ZNF451: variants seen among roughly 807,000 people sequenced by gnomAD.
The protein encoded by ZNF451 is E3 SUMO-protein ligase ZNF451.
In ZNF451, 80 loss-of-function variants were observed where a neutral mutation model predicts 107.1. That is an observed-to-expected ratio of 0.75 (90% CI 0.62 to 0.90). The LOEUF (loss-of-function observed/expected upper bound fraction) is 0.90, where lower values mean the gene tolerates loss of function less well. Among genes scored for constraint, ZNF451 ranks in the 40% least tolerant of loss-of-function variants. The pLI, the probability that ZNF451 is intolerant of heterozygous loss-of-function variation, is 0.00. For synonymous variants in ZNF451, 362 were observed against 406.5 expected (o/e 0.89, Z 1.32); for missense variants, 1,107 against 1,236.2 (o/e 0.90, Z 1.57).
chr6:57,133,803 T>C (rs1283250207), intron 6 of ZNF451, among the ~76,000 whole-genome samples: 3 of 151,972 alleles, frequency 2.0e-5, no homozygotes, highest in Non-Finnish European at 4.4e-5. Context: ...GCCTCCTGAG[T>C]GTCTGGGACT....
chr6:57,131,628 A>C (rs1831182096), intron 5 of ZNF451, among the ~76,000 whole-genome samples: 1 of 152,350 alleles, frequency 6.6e-6, no homozygotes, highest in South Asian at 2.1e-4. Context: ...TATTCCCCCA[A>C]TAAAGACTAA....
intron 3 of ZNF451, chr6:57,107,408 A>G: frequency 7.1e-6 from 7 of 985,224 alleles, no homozygotes; most frequent in Non-Finnish European, 8.4e-6. Flanking sequence ...CTTTTAAAAA[A>G]AATATAGCCA....
In ZNF451 at chr6:57,168,756, G is replaced by A; in HGVS notation, c.*287G>A. 7.2e-6 allele frequency: 2 copies of A among 276,370 alleles called. No homozygotes were observed. The highest frequency in any genetic ancestry group is 6.9e-5 in the South Asian group (1 of 14,520). 17.1% of individuals were successfully genotyped at this position (276,370 alleles called of 1,614,324 possible). ...TTGAATTTATATATTTAGATTTAAA[G>A]GATTAAAAAAAAGGAAAGCTCTTGA... On this transcript the variant is annotated 3_prime_UTR_variant, in exon 15 of 15. Transcript: ENST00000370706.
At chr6:57,108,354 T>A in intron 3 of ZNF451, 1 of 985,440 alleles carries the variant, frequency 1.0e-6, no homozygotes, top group Non-Finnish European at 1.2e-6. Context: ...TCTACTTTTA[T>A]TTGTGATGGC....
intron 14 of ZNF451, among the ~76,000 whole-genome samples, chr6:57,162,258 A>G (rs1182831582): frequency 1.3e-5 from 2 of 152,154 alleles, no homozygotes; most frequent in African/African-American, 4.8e-5. Context: ...GAATGGCCCA[A>G]CTGGTATGTT....
chr6:57,138,723 A>G (rs1206130289), intron 7 of ZNF451, among the ~76,000 whole-genome samples: 26 of 117,008 alleles, frequency 2.2e-4, no homozygotes, highest in Non-Finnish European at 4.1e-4. Context: ...ATATATATAT[A>G]TATATATATA....
intron 2 of ZNF451, among the ~76,000 whole-genome samples, chr6:57,091,693 C>T (rs9367706): frequency 6.6e-6 from 1 of 151,994 alleles, no homozygotes; most frequent in Admixed American, 6.5e-5. Context: ...TATCTCAGCT[C>T]GCCAGGCAGA....
rs1014608288 is a variant in ZNF451 at position 57,134,682 on chromosome 6, A to G, written c.576-62A>G. On this transcript the variant is annotated intron_variant, in intron 6 of 14. Coordinates refer to ENST00000370706, the MANE Select transcript of ZNF451 (RefSeq NM_001031623.3). ...TGTTTAGCTTCACAAATGAAGCGAC[A>G]TAGTTGTTTCCCTAGAATGTAGATT... The G allele has an allele frequency of 4.2e-5, 64 of 1,506,624 alleles. No homozygotes were observed. In the African/African-American group the frequency reaches 7.8e-4, roughly 18 times the overall value. The allele number at this position is 1,506,624 out of a possible 1,614,324, so 93.3% of individuals were successfully genotyped here.
chr6:57,108,338 G>A (rs1248442098), intron 3 of ZNF451: 35 of 985,190 alleles, frequency 3.6e-5, no homozygotes, highest in Non-Finnish European at 4.1e-5. Context: ...TAGACCTCTT[G>A]TTAACTCTAC....
At chr6:57,146,952 A>G (rs1207078136) in intron 9 of ZNF451, 138 bp from the exon 10 acceptor site, 3 of 704,922 alleles carry the variant, frequency 4.3e-6, no homozygotes, top group African/African-American at 1.8e-5. Flanking sequence ...TCATTATGTC[A>G]TTTGCATCTT....
intron 3 of ZNF451, chr6:57,101,629 G>T: frequency 2.6e-6 from 4 of 1,550,754 alleles, no homozygotes; most frequent in Non-Finnish European, 3.5e-6. Flanking sequence ...ACTCTGGGAA[G>T]ACATGGAAGA....
At chr6:57,103,397 G>T in intron 3 of ZNF451, 2 of 985,380 alleles carry the variant, frequency 2.0e-6, no homozygotes, top group Non-Finnish European at 2.4e-6. Flanking sequence ...CAGATTCTTA[G>T]TGTAAGAGAC....
intron 14 of ZNF451, among the ~76,000 whole-genome samples, chr6:57,163,455 T>TTTTTTTTTTTTTG (rs1763762422): frequency 1.1e-5 from 1 of 91,956 alleles, no homozygotes; most frequent in Non-Finnish European, 2.3e-5. Context: ...TTTTTTTTTT[T>TTTTTTTTTTTTTG]TTTTTTTTTT....
Position 57,142,012 on chromosome 6 carries a change from G to A in ZNF451, c.921G>A (p.Leu307=). ...TTGCAAAGAAACTTTTGATCTCTCTGTGCAAAGATGTTCCCTTTCAAGTTA... is the reference window on the plus strand; with the variant it reads ...TTGCAAAGAAACTTTTGATCTCTCTATGCAAAGATGTTCCCTTTCAAGTTA... ...PSFAKKLLIS[L]CKDVPFQVKC... The change falls in exon 9 of 15, where the codon CTG becomes CTA. Residue 307 remains leucine (L), a synonymous_variant. Transcript: ENST00000370706. 2 of 1,614,072 alleles carry A rather than the reference G, an allele frequency of 1.2e-6. No individual in the cohort carries two copies. The highest frequency in any genetic ancestry group is 2.2e-5 in the East Asian group (1 of 44,882).
intron 3 of ZNF451, among the ~76,000 whole-genome samples, chr6:57,110,813 C>T (rs1830069682): frequency 6.6e-6 from 1 of 152,090 alleles, no homozygotes; most frequent in Non-Finnish European, 1.5e-5. Flanking sequence ...AGACCTTGTC[C>T]CAGTAATATC....
chr6:57,108,334 T>G (rs756213143), intron 3 of ZNF451: 136 of 985,272 alleles, frequency 1.4e-4, no homozygotes, highest in Non-Finnish European at 1.5e-4. Context: ...CAGTTAGACC[T>G]CTTGTTAACT....
At chr6:57,105,629 C>A (rs1007637902) in intron 3 of ZNF451, 4 of 985,264 alleles carry the variant, frequency 4.1e-6, no homozygotes, top group South Asian at 9.4e-5. Flanking sequence ...GACAGTAGTT[C>A]CTTTTTGTTA....
chr6:57,119,656 C>G (rs906269987), intron 3 of ZNF451, among the ~76,000 whole-genome samples: 1 of 152,094 alleles, frequency 6.6e-6, no homozygotes, highest in Non-Finnish European at 1.5e-5. Context: ...TACCTCCTCC[C>G]CTCCCACCCC....
At chr6:57,099,003 A>G (rs1401895050) in intron 2 of ZNF451, 58 bp from the exon 3 acceptor site, 2 of 1,391,020 alleles carry the variant, frequency 1.4e-6, no homozygotes, top group Non-Finnish European at 2.0e-6. Flanking sequence ...GTAGGTTTAA[A>G]TGCTAATTTG....
Sources: gnomAD v4.1 joint callset for allele counts (sites outside exome capture counted in the v4.1 genomes callset) on GRCh38, gnomAD v4.1.1 for gene constraint, MANE v1.5 for transcripts, NCBI Gene and HGNC (gene_info 2026-07-23, HGNC 2026-07-21) for gene names.